The following ESRRG variants were observed in gnomAD, a reference collection of about 807,000 sequenced individuals.
The protein encoded by ESRRG is estrogen-related receptor gamma.
Under a neutral mutation model 44.0 loss-of-function variants are expected in ESRRG, and 13 were observed. The observed-to-expected ratio is 0.30, with a 90% CI of 0.19 to 0.47. The LOEUF (loss-of-function observed/expected upper bound fraction) is 0.47, where lower values mean the gene tolerates loss of function less well. Ranked by LOEUF, ESRRG falls within the 20% of genes least tolerant of loss-of-function variation. The pLI is 1.00. For missense variants in ESRRG, 395 were observed against 580.6 expected, an observed-to-expected ratio of 0.68 and a Z score of 3.29; for synonymous variants, 215 against 214.6, an observed-to-expected ratio of 1.00 and a Z score of -0.02.
At chr1:216,791,722 AT>A (rs1182255726) in intron 2 of ESRRG, among the ~76,000 whole-genome samples, 1 of 152,148 alleles carries the variant, frequency 6.6e-6, no homozygotes, top group East Asian at 1.9e-4. Context: ...AAGCACTATC[AT>A]TTTTATCATA....
At chr1:216,647,969 A>G (rs1356242170) in intron 3 of ESRRG, among the ~76,000 whole-genome samples, 1 of 152,194 alleles carries the variant, frequency 6.6e-6, no homozygotes, top group Admixed American at 6.5e-5. Flanking sequence ...CTGCTGTGCC[A>G]TCAGCCTGTA....
chr1:217,041,970 A>G (rs908497607), intron 1 of ESRRG, among the ~76,000 whole-genome samples: 5 of 152,170 alleles, frequency 3.3e-5, no homozygotes, highest in Non-Finnish European at 5.9e-5. Flanking sequence ...GGCATGTATC[A>G]TCTGAAACCC....
intron 3 of ESRRG, among the ~76,000 whole-genome samples, chr1:216,605,345 G>A (rs987211544): frequency 2.0e-5 from 3 of 152,004 alleles, no homozygotes; most frequent in Non-Finnish European, 2.9e-5. Context: ...CTAGACATAT[G>A]GAGCAGTTTG....
intron 5 of ESRRG, among the ~76,000 whole-genome samples, chr1:216,545,627 A>T: frequency 6.6e-6 from 1 of 152,178 alleles, no homozygotes; most frequent in South Asian, 2.1e-4. Context: ...ATAATAAGAA[A>T]TTGTTTGATG....
intron 5 of ESRRG, among the ~76,000 whole-genome samples, chr1:216,546,353 C>G (rs1429365558): frequency 6.6e-6 from 1 of 151,634 alleles, no homozygotes; most frequent in Non-Finnish European, 1.5e-5. Flanking sequence ...GTCTGTGCAG[C>G]ATTTTTGGAA....
chr1:216,508,513 C>T (rs571881131), intron 6 of ESRRG, among the ~76,000 whole-genome samples: 1 of 152,150 alleles, frequency 6.6e-6, no homozygotes, highest in Non-Finnish European at 1.5e-5. Context: ...TGGGAAATAG[C>T]ATTGATAGTG....
chr1:216,516,683 A>AGAGAG (rs1553282467), intron 6 of ESRRG, among the ~76,000 whole-genome samples: 3 of 148,810 alleles, frequency 2.0e-5, no homozygotes, highest in South Asian at 2.1e-4. Flanking sequence ...AGAGAGAGAG[A>AGAGAG]AACGACAAAA....
At chr1:216,912,861 C>T (rs543332424) in intron 2 of ESRRG, among the ~76,000 whole-genome samples, 2 of 152,028 alleles carry the variant, frequency 1.3e-5, no homozygotes, top group African/African-American at 4.8e-5. Context: ...GTGGCTCATA[C>T]CTATAATGCC....
chr1:216,746,479 T>G (rs2091415314), intron 2 of ESRRG, among the ~76,000 whole-genome samples: 1 of 152,166 alleles, frequency 6.6e-6, no homozygotes, highest in Admixed American at 6.5e-5. Flanking sequence ...TAACCGTAAA[T>G]AACAGAAGTT....
chr1:217,097,117 A>G (rs929547422), intron 1 of ESRRG, among the ~76,000 whole-genome samples: 11 of 152,136 alleles, frequency 7.2e-5, no homozygotes, highest in African/African-American at 2.7e-4. Flanking sequence ...CAGGAGGCTG[A>G]GGTGGGAGGA....
chr1:216,882,653 TG>T (rs2149327979), intron 2 of ESRRG, among the ~76,000 whole-genome samples: 1 of 152,268 alleles, frequency 6.6e-6, no homozygotes, highest in South Asian at 2.1e-4. Context: ...CAACTGTATT[TG>T]GAAATAATAA....
chr1:216,679,629 T>G (rs1257964938), intron 1 of ESRRG, among the ~76,000 whole-genome samples: 3 of 132,762 alleles, frequency 2.3e-5, no homozygotes, highest in Non-Finnish European at 3.5e-5. Context: ...GGAATTTTTT[T>G]TTTCTTTTTT....
In ESRRG at chr1:217,060,989, CTT is replaced by C. The variant is rs34948852; in HGVS notation, c.-106+28516_-106+28517del. Among the ~76,000 whole-genome samples, 10 of 150,970 alleles carry C rather than the reference CTT, an allele frequency of 6.6e-5. No individual in the cohort carries two copies. In the East Asian group the frequency reaches 1.2e-3, roughly 18 times the overall value. On this transcript the variant is annotated intron_variant, in intron 1 of 7. Transcript: ENST00000359162. ...AATATATCAAACTTTCATGGGTAGT[CTT>C]TTTTTTTTAGTATGTTAAATATTTT... is the stretch of plus-strand genomic sequence containing the variant.
intron 1 of ESRRG, among the ~76,000 whole-genome samples, chr1:216,997,373 A>G (rs1460424447): frequency 2.0e-5 from 3 of 152,196 alleles, no homozygotes; most frequent in South Asian, 2.1e-4. Context: ...CAGCCACTTC[A>G]TTTAGCAGCC....
chr1:216,937,382 T>C (rs1578372388), intron 2 of ESRRG, among the ~76,000 whole-genome samples: 2 of 152,286 alleles, frequency 1.3e-5, no homozygotes, highest in East Asian at 1.9e-4. Flanking sequence ...AAGATGGGTG[T>C]CCTAAAGGTT....
intron 3 of ESRRG, among the ~76,000 whole-genome samples, chr1:216,650,754 C>T (rs11572709): frequency 0.038 from 5,785 of 152,218 alleles, 157 homozygotes; most frequent in Admixed American, 0.053. Context: ...GTGTGTTTCG[C>T]TGTACATCAG....
At chr1:216,532,679 G>A (rs1167225061) in intron 5 of ESRRG, among the ~76,000 whole-genome samples, 1 of 152,088 alleles carries the variant, frequency 6.6e-6, no homozygotes, top group East Asian at 1.9e-4. Context: ...CTCAACAAGA[G>A]AATTTACTCT....
chr1:216,917,636 C>G (rs541096249), intron 2 of ESRRG, among the ~76,000 whole-genome samples: 10 of 152,234 alleles, frequency 6.6e-5, no homozygotes, highest in African/African-American at 2.2e-4. Flanking sequence ...ACCTTTCCCA[C>G]AAGAGCAGAG....
intron 1 of ESRRG, among the ~76,000 whole-genome samples, chr1:216,962,125 T>A (rs1346666396): frequency 1.3e-5 from 2 of 152,182 alleles, no homozygotes; most frequent in African/African-American, 4.8e-5. Flanking sequence ...TTAAGCTTTG[T>A]TCTTATTCGA....
Sources: allele counts gnomAD v4.1 joint callset (sites outside exome capture counted in the v4.1 genomes callset), GRCh38; gene constraint gnomAD v4.1.1; transcripts MANE v1.5; gene names NCBI Gene and HGNC (gene_info 2026-07-23, HGNC 2026-07-21).